The following ITPRID1 variants were observed in gnomAD, a reference collection of about 807,000 sequenced individuals.
The protein encoded by ITPRID1 is protein ITPRID1.
Under a neutral mutation model 95.4 loss-of-function variants are expected in ITPRID1, and 96 were observed. That is an observed-to-expected ratio of 1.01 (90% CI 0.85 to 1.19). The LOEUF is 1.19. Ranked by LOEUF, ITPRID1 falls within the 50% of genes most tolerant of loss-of-function variation. The probability of loss-of-function intolerance (pLI) is 0.00; values close to 1 mark genes in which losing one functional copy is unlikely to be tolerated. For synonymous variants in ITPRID1, 510 were observed against 453.6 expected, an observed-to-expected ratio of 1.12 and a Z score of -1.58; for missense variants, 1,339 against 1,252.9, an observed-to-expected ratio of 1.07 and a Z score of -1.04.
At chr7:31,545,617 T>C (rs1784072127) in intron 1 of ITPRID1, among the ~76,000 whole-genome samples, 1 of 152,268 alleles carries the variant, frequency 6.6e-6, no homozygotes, top group South Asian at 2.1e-4. Flanking sequence ...AAAAGATGAA[T>C]ACTCCAACTC....
intron 1 of ITPRID1, among the ~76,000 whole-genome samples, chr7:31,535,378 T>C (rs1783725739): frequency 6.6e-6 from 1 of 152,132 alleles, no homozygotes; most frequent in South Asian, 2.1e-4. Context: ...CCTTAGTCTT[T>C]GAGAGAAATA....
intron 10 of ITPRID1, among the ~76,000 whole-genome samples, chr7:31,620,776 G>C (rs906128845): frequency 2.0e-5 from 3 of 152,180 alleles, no homozygotes; most frequent in Non-Finnish European, 4.4e-5. Context: ...CTTTGAGGAG[G>C]CGAGAGAAGA....
intron 5 of ITPRID1, 86 bp from the exon 6 acceptor site, chr7:31,569,672 T>TC: frequency 8.7e-7 from 1 of 1,155,294 alleles, no homozygotes; most frequent in South Asian, 1.4e-5. Flanking sequence ...GAAATTCAAT[T>TC]CTACCTTGGT....
intron 10 of ITPRID1, among the ~76,000 whole-genome samples, chr7:31,616,331 G>C (rs913267862): frequency 2.4e-4 from 36 of 152,070 alleles, no homozygotes; most frequent in African/African-American, 8.2e-4. Flanking sequence ...GTGAATATAT[G>C]CATATTGGGT....
intron 10 of ITPRID1, among the ~76,000 whole-genome samples, chr7:31,627,776 T>C (rs1046459368): frequency 6.6e-6 from 1 of 151,822 alleles, no homozygotes; most frequent in Non-Finnish European, 1.5e-5. Context: ...TAAGCTTGGG[T>C]GGTTTATGTC....
chr7:31,606,753 A>G (rs2037163870), intron 10 of ITPRID1, among the ~76,000 whole-genome samples: 1 of 152,214 alleles, frequency 6.6e-6, no homozygotes, highest in Admixed American at 6.5e-5. Flanking sequence ...GATGTTGAAA[A>G]AAATATATGA....
intron 1 of ITPRID1, chr7:31,517,289 T>C (rs1783075414): frequency 6.6e-6 from 1 of 152,230 alleles, no homozygotes; most frequent in Non-Finnish European, 1.5e-5. Flanking sequence ...AGAGAGCTGA[T>C]TGGTCTGTTT....
At chr7:31,582,130 A>T (rs140747538) in intron 9 of ITPRID1, among the ~76,000 whole-genome samples, 1 of 152,320 alleles carries the variant, frequency 6.6e-6, no homozygotes, top group Non-Finnish European at 1.5e-5. Flanking sequence ...AGATTTATGA[A>T]CAAGAATATT....
chr7:31,578,525 T>A lies in ITPRID1; in HGVS notation c.1170+91T>A, dbSNP rs1702090470. 5.3e-5 allele frequency: 47 copies of A among 886,486 alleles called. No individual in the cohort carries two copies. In the South Asian group the frequency reaches 8.8e-4, roughly 17 times the overall value. The allele number at this position is 886,486 out of a possible 1,614,324, so 54.9% of individuals were successfully genotyped here. A position where few individuals can be genotyped will look rare whatever the true frequency, so the allele number is the denominator to read the frequency against. Reference sequence around the variant, plus strand: ...CCAGCCCTCATTTCACCACTTCATCTTTTAATCCCTCAGCATTACTTCTTA... The same window carrying A: ...CCAGCCCTCATTTCACCACTTCATCATTTAATCCCTCAGCATTACTTCTTA... On this transcript the variant is annotated intron_variant, in intron 9 of 14. Coordinates refer to ENST00000615280, the MANE Select transcript of ITPRID1 (RefSeq NM_001257967.3).
intron 5 of ITPRID1, among the ~76,000 whole-genome samples, chr7:31,565,738 A>AAAAAAAT (rs998474103): frequency 6.8e-6 from 1 of 147,688 alleles, no homozygotes; most frequent in African/African-American, 2.5e-5. Flanking sequence ...ACTCCATCTC[A>AAAAAAAT]AAAAAATAAA....
chr7:31,578,277 C>T lies in ITPRID1; in HGVS notation c.1013C>T (p.Pro338Leu), dbSNP rs1562583251. Residue 338 changes from proline to leucine, a missense_variant, in exon 9 of 15, where the codon CCT becomes CTT. Pro to Leu is a moderately conservative substitution (Grantham distance 98). Coordinates refer to ENST00000615280, the MANE Select transcript of ITPRID1 (RefSeq NM_001257967.3). The part of the protein sequence containing the change: ...PPHGLLSKQW[P>L]CSSMPAKQAP... ...CATGGTCTTCTGAGCAAGCAGTGGCCTTGCTCATCTATGCCGGCCAAGCAG... is the reference window on the plus strand; with the variant it reads ...CATGGTCTTCTGAGCAAGCAGTGGCTTTGCTCATCTATGCCGGCCAAGCAG... 2 of 1,613,880 alleles carry T rather than the reference C, an allele frequency of 1.2e-6. No individual in the cohort carries two copies. The highest frequency in any genetic ancestry group is 4.5e-5 in the East Asian group (2 of 44,876).
intron 10 of ITPRID1, among the ~76,000 whole-genome samples, chr7:31,602,263 G>A (rs1377537975): frequency 6.6e-6 from 1 of 152,132 alleles, no homozygotes; most frequent in Non-Finnish European, 1.5e-5. Context: ...ATACTCCCAG[G>A]TTGGCAGCAA....
intron 10 of ITPRID1, among the ~76,000 whole-genome samples, chr7:31,588,448 C>T (rs1120598): frequency 0.49 from 73,606 of 150,800 alleles, 18,884 homozygotes; most frequent in African/African-American, 0.64. Context: ...CTGGCCAATA[C>T]GGTGAAACTC....
chr7:31,642,561 C>G (rs2128209758), intron 11 of ITPRID1, 121 bp from the exon 12 acceptor site: 1 of 873,330 alleles, frequency 1.1e-6, no homozygotes, highest in South Asian at 1.8e-5. Flanking sequence ...AGATGCAAAA[C>G]CTGATGTTGC....
intron 5 of ITPRID1, among the ~76,000 whole-genome samples, chr7:31,555,959 AT>A (rs1784431877): frequency 6.6e-6 from 1 of 152,226 alleles, no homozygotes; most frequent in Non-Finnish European, 1.5e-5. Context: ...AATAAATCAA[AT>A]GTAAGTACCT....
At chr7:31,526,040 C>T (rs1430138247) in intron 1 of ITPRID1, among the ~76,000 whole-genome samples, 1 of 152,166 alleles carries the variant, frequency 6.6e-6, no homozygotes, top group Non-Finnish European at 1.5e-5. Context: ...CTTCATCTAG[C>T]CAGGGCTCTT....
chr7:31,605,368 G>T (rs1296086642), intron 10 of ITPRID1, among the ~76,000 whole-genome samples: 2 of 152,106 alleles, frequency 1.3e-5, no homozygotes, highest in African/African-American at 4.8e-5. Flanking sequence ...TTTAATTACT[G>T]CCCAAGTGCT....
intron 10 of ITPRID1, among the ~76,000 whole-genome samples, chr7:31,634,747 T>G (rs1391089429): frequency 6.6e-6 from 1 of 152,108 alleles, no homozygotes; most frequent in African/African-American, 2.4e-5. Flanking sequence ...CACAACTGGT[T>G]TGGAACAGGA....
At chr7:31,598,664 A>C (rs1786211226) in intron 10 of ITPRID1, among the ~76,000 whole-genome samples, 1 of 152,210 alleles carries the variant, frequency 6.6e-6, no homozygotes, top group South Asian at 2.1e-4. Flanking sequence ...TGGCCTCCCA[A>C]AGTGCTGGGA....
Sources: gnomAD v4.1 joint callset for allele counts (sites outside exome capture counted in the v4.1 genomes callset) on GRCh38, gnomAD v4.1.1 for gene constraint, MANE v1.5 for transcripts, NCBI Gene and HGNC (gene_info 2026-07-23, HGNC 2026-07-21) for gene names.